SGCD: variants seen among roughly 807,000 people sequenced by gnomAD.
SGCD encodes delta-sarcoglycan.
Under a neutral mutation model 36.6 loss-of-function variants are expected in SGCD, and 18 were observed. The ratio of observed to expected loss-of-function variants is 0.49; its 90% CI spans 0.34 to 0.73. The LOEUF (loss-of-function observed/expected upper bound fraction) is 0.73, where lower values mean the gene tolerates loss of function less well. Ranked by LOEUF, SGCD falls within the 30% of genes least tolerant of loss-of-function variation. The pLI, the probability that SGCD is intolerant of heterozygous loss-of-function variation, is 0.01. For synonymous variants in SGCD, 133 were observed against 130.6 expected (o/e 1.02, Z -0.12); for missense variants, 387 against 346.7 (o/e 1.12, Z -0.92).
intron 1 of SGCD, among the ~76,000 whole-genome samples, chr5:155,956,821 ATGATCT>A (rs1320163368): frequency 7.2e-6 from 1 of 139,038 alleles, no homozygotes; most frequent in African/African-American, 2.6e-5. Flanking sequence ...TTAATCCAGG[ATGATCT>A]AATCTCGAGA....
intron 1 of SGCD, among the ~76,000 whole-genome samples, chr5:156,033,853 A>C (rs1759421195): frequency 6.6e-6 from 1 of 151,988 alleles, no homozygotes. Context: ...GTTACTCTGA[A>C]CCTCTTTTTA....
At chr5:156,454,901 C>T (rs1203221321) in intron 3 of SGCD, among the ~76,000 whole-genome samples, 2 of 151,978 alleles carry the variant, frequency 1.3e-5, no homozygotes, top group Non-Finnish European at 2.9e-5. Context: ...GGTCAGAACT[C>T]CACTGGAAGT....
chr5:155,815,372 G>A, the SGCD span, among the ~76,000 whole-genome samples: 1 of 152,182 alleles, frequency 6.6e-6, no homozygotes, highest in African/African-American at 2.4e-5. Context: ...GTCAGACAAT[G>A]TATGAAGGCA....
intron 3 of SGCD, among the ~76,000 whole-genome samples, chr5:156,202,150 G>T (rs1764167402): frequency 6.6e-6 from 1 of 152,258 alleles, no homozygotes; most frequent in East Asian, 1.9e-4. Context: ...GTTCTTTCTT[G>T]GCCTTTGCCG....
chr5:156,359,793 T>A (rs1769690911), intron 3 of SGCD, among the ~76,000 whole-genome samples: 1 of 152,240 alleles, frequency 6.6e-6, no homozygotes, highest in Admixed American at 6.5e-5. Flanking sequence ...CAGCTGGTGC[T>A]ATACCTCCCA....
chr5:156,131,437 T>C lies in SGCD; in HGVS notation c.-44+7418T>C, dbSNP rs762276257. ...AAATTATGCTGCTAAAAAACTAATA[T>C]GTGATGGTTACTTACGAGCCCTCTA... On this transcript the variant is annotated intron_variant, in intron 3 of 9. Transcript: ENST00000517913. Among the ~76,000 whole-genome samples the C allele has an allele frequency of 1.3e-3, 203 of 152,220 alleles. 1 individual carries two copies. Among genetic ancestry groups the C allele is most frequent in the Non-Finnish European group, 7.2e-4 (49 of 68,042 alleles).
chr5:156,194,812 C>A (rs1172816699), intron 3 of SGCD, among the ~76,000 whole-genome samples: 2 of 151,940 alleles, frequency 1.3e-5, no homozygotes, highest in African/African-American at 4.8e-5. Flanking sequence ...AATAGTTGAA[C>A]CTTTTATGGC....
At chr5:156,416,529 T>A (rs898987939) in intron 3 of SGCD, among the ~76,000 whole-genome samples, 2 of 152,172 alleles carry the variant, frequency 1.3e-5, no homozygotes, top group Non-Finnish European at 2.9e-5. Flanking sequence ...AAAAAAATTT[T>A]AAATGAAAAA....
At chr5:156,351,446 T>G (rs751055884) in intron 3 of SGCD, among the ~76,000 whole-genome samples, 11 of 152,144 alleles carry the variant, frequency 7.2e-5, no homozygotes, top group Non-Finnish European at 1.2e-4. Flanking sequence ...TATGTGATTT[T>G]TGATAAGTTT....
chr5:156,631,460 CTT>C (rs139512555), intron 6 of SGCD, among the ~76,000 whole-genome samples: 2 of 136,262 alleles, frequency 1.5e-5, no homozygotes, highest in Non-Finnish European at 1.6e-5. Flanking sequence ...TTGACACTTG[CTT>C]TTTTTTTTTT....
intron 1 of SGCD, among the ~76,000 whole-genome samples, chr5:156,047,197 T>C (rs1759787906): frequency 6.6e-6 from 1 of 152,068 alleles, no homozygotes; most frequent in African/African-American, 2.4e-5. Context: ...TAATGAAGTT[T>C]AAAGAAAGAA....
At chr5:156,010,676 T>C (rs1758842120) in intron 1 of SGCD, among the ~76,000 whole-genome samples, 2 of 152,208 alleles carry the variant, frequency 1.3e-5, no homozygotes, top group Non-Finnish European at 2.9e-5. Context: ...TATTATCTCA[T>C]TTAATCTTTG....
chr5:155,728,753 T>C, the SGCD span, among the ~76,000 whole-genome samples: 1 of 152,024 alleles, frequency 6.6e-6, no homozygotes, highest in African/African-American at 2.4e-5. Context: ...CCAACTTCCC[T>C]GTGAGCCCCT....
At chr5:155,860,088 A>G in the SGCD span, among the ~76,000 whole-genome samples, 1 of 152,222 alleles carries the variant, frequency 6.6e-6, no homozygotes, top group African/African-American at 2.4e-5. Context: ...AGAGAGAACA[A>G]TTTACTTGAA....
chr5:155,991,777 C>T lies in SGCD; in HGVS notation c.-282+121353C>T, dbSNP rs140593906. On this transcript the variant is annotated intron_variant, in intron 1 of 9. Transcript: ENST00000517913. ...ATTATGGTATATTTGTCATTATTTTCTGACTCAAGTCTCAATAACCCGTAA... is the reference window on the plus strand; with the variant it reads ...ATTATGGTATATTTGTCATTATTTTTTGACTCAAGTCTCAATAACCCGTAA... Among the ~76,000 whole-genome samples the T allele has an allele frequency of 2.5e-3, 382 of 152,278 alleles. 3 individuals are homozygous for T. The highest frequency in any genetic ancestry group is 8.8e-3 in the African/African-American group (366 of 41,560).
intron 1 of SGCD, among the ~76,000 whole-genome samples, chr5:156,098,206 CAG>C (rs754699809): frequency 3.3e-5 from 5 of 152,164 alleles, no homozygotes; most frequent in Admixed American, 1.3e-4. Flanking sequence ...CCACCCATCA[CAG>C]AGTCAGTATT....
chr5:156,308,109 C>T lies in SGCD; in HGVS notation c.-43-21425C>T, dbSNP rs1045727038. 1.3e-4 allele frequency among the ~76,000 whole-genome samples: 20 copies of T among 151,986 alleles called. 1 individual carries two copies. The highest frequency in any genetic ancestry group is 3.2e-3 in the Middle Eastern group (1 of 316). The stretch of plus-strand genomic sequence containing the variant: ...TATTTCTTTATATGCTGTATTAGTC[C>T]ATTTTCAGCCTGCTATAAAGAACTA... On this transcript the variant is annotated intron_variant, in intron 3 of 9. Transcript: ENST00000517913.
intron 3 of SGCD, among the ~76,000 whole-genome samples, chr5:156,244,945 A>G (rs1033195374): frequency 9.9e-5 from 15 of 152,194 alleles, no homozygotes; most frequent in Admixed American, 9.2e-4. Context: ...TCCAGACATC[A>G]TATCATTGGT....
At chr5:156,269,751 T>A (rs1380913918) in intron 3 of SGCD, among the ~76,000 whole-genome samples, 1 of 152,218 alleles carries the variant, frequency 6.6e-6, no homozygotes, top group East Asian at 1.9e-4. Flanking sequence ...AAGTTCCTTG[T>A]AGATGCTGGA....
Sources: gnomAD v4.1 joint callset for allele counts (sites outside exome capture counted in the v4.1 genomes callset) on GRCh38, gnomAD v4.1.1 for gene constraint, MANE v1.5 for transcripts, NCBI Gene and HGNC (gene_info 2026-07-23, HGNC 2026-07-21) for gene names.